Variants in MYRIP observed in about 807,000 individuals in gnomAD.
MYRIP encodes myosin VIIA and Rab interacting protein.
In MYRIP, 49 loss-of-function variants were observed where a neutral mutation model predicts 98.0. That is an observed-to-expected ratio of 0.50 (90% confidence interval 0.40 to 0.63). MYRIP has a LOEUF of 0.63. MYRIP is among the 30% of genes least tolerant of loss of function. The pLI, the probability that MYRIP is intolerant of heterozygous loss-of-function variation, is 0.00. For missense variants in MYRIP, 1,004 were observed against 1,058.2 expected (o/e 0.95, Z 0.71); for synonymous variants, 404 against 409.5 (o/e 0.99, Z 0.16).
chr3:40,208,007 T>C (rs895954646), intron 10 of MYRIP, among the ~76,000 whole-genome samples: 4 of 152,208 alleles, frequency 2.6e-5, no homozygotes, highest in Non-Finnish European at 5.9e-5. Flanking sequence ...TTCAAAATAG[T>C]GATGATTTAT....
chr3:40,082,966 G>A (rs1023266510), intron 3 of MYRIP, among the ~76,000 whole-genome samples: 6 of 152,184 alleles, frequency 3.9e-5, no homozygotes, highest in Non-Finnish European at 7.3e-5. Context: ...CGAGTGGGGA[G>A]CCAAATTTAA....
chr3:40,252,988 A>G (rs1429079962), intron 16 of MYRIP, among the ~76,000 whole-genome samples: 1 of 152,214 alleles, frequency 6.6e-6, no homozygotes, highest in African/African-American at 2.4e-5. Flanking sequence ...AACTCCTAAC[A>G]TCACATTGGA....
chr3:39,847,239 C>A (rs1450595265), intron 1 of MYRIP, among the ~76,000 whole-genome samples: 1 of 152,196 alleles, frequency 6.6e-6, no homozygotes, highest in Non-Finnish European at 1.5e-5. Context: ...TGAAAACTCA[C>A]TAACCCTTTC....
intron 1 of MYRIP, among the ~76,000 whole-genome samples, chr3:39,859,676 T>A (rs1464011810): frequency 2.0e-5 from 3 of 152,232 alleles, no homozygotes; most frequent in African/African-American, 7.2e-5. Flanking sequence ...TGGTTAAGCA[T>A]GTCAAGGGAT....
In MYRIP at chr3:40,044,241, C is replaced by CCTGG; in HGVS notation, c.303_306dup (p.Val103LeufsTer23). The CCTGG allele has an allele frequency of 6.2e-7, 1 of 1,614,182 alleles. No homozygotes were observed. The highest frequency in any genetic ancestry group is 8.5e-7 in the Non-Finnish European group (1 of 1,180,020). On this transcript the variant is annotated frameshift_variant, in exon 3 of 17. Transcript: ENST00000302541. LOFTEE classifies it high-confidence loss of function. ...TGCTCCTACCAGAAGCACGAAAAGG[C>CCTGG]CTGGGTCTGCTGCGTCTGCCAGCAA...
intron 2 of MYRIP, among the ~76,000 whole-genome samples, chr3:40,036,283 C>T (rs1159837692): frequency 8.4e-6 from 1 of 118,386 alleles, no homozygotes; most frequent in African/African-American, 3.1e-5. Context: ...GACAGACTTC[C>T]CATTGCAACA....
chr3:40,073,315 G>A (rs1288193979), intron 3 of MYRIP, among the ~76,000 whole-genome samples: 1 of 152,190 alleles, frequency 6.6e-6, no homozygotes, highest in African/African-American at 2.4e-5. Flanking sequence ...AGAGAAGAGT[G>A]GGAGAGTGGG....
chr3:40,001,818 A>G (rs1227487070), intron 2 of MYRIP, among the ~76,000 whole-genome samples: 34 of 152,184 alleles, frequency 2.2e-4, no homozygotes, highest in Admixed American at 2.2e-3. Flanking sequence ...TTGAACCGGG[A>G]TAGTGATAGT....
intron 10 of MYRIP, among the ~76,000 whole-genome samples, chr3:40,206,697 A>G (rs997128406): frequency 2.6e-5 from 4 of 152,160 alleles, no homozygotes; most frequent in South Asian, 2.1e-4. Context: ...CAACTCCAGT[A>G]GGGCAGGAAC....
At chr3:39,902,782 T>C (rs1240774603) in intron 2 of MYRIP, among the ~76,000 whole-genome samples, 2 of 152,144 alleles carry the variant, frequency 1.3e-5, no homozygotes, top group Non-Finnish European at 2.9e-5. Flanking sequence ...TGCCAGTCCA[T>C]GTGGAAGAGC....
intron 2 of MYRIP, among the ~76,000 whole-genome samples, chr3:39,995,165 A>G (rs574137014): frequency 6.6e-5 from 10 of 152,324 alleles, no homozygotes; most frequent in Admixed American, 5.9e-4. Context: ...CTCCTCACCA[A>G]CAACGGAACA....
chr3:40,055,936 GC>G (rs1235407638), intron 3 of MYRIP, among the ~76,000 whole-genome samples: 1 of 152,100 alleles, frequency 6.6e-6, no homozygotes, highest in East Asian at 1.9e-4. Flanking sequence ...CTAAATCCAT[GC>G]CATGAACTAA....
At chr3:40,063,331 T>G (rs1440423606) in intron 3 of MYRIP, among the ~76,000 whole-genome samples, 1 of 152,176 alleles carries the variant, frequency 6.6e-6, no homozygotes, top group African/African-American at 2.4e-5. Context: ...TTGTAGTAAT[T>G]TAAAATTTCC....
chr3:40,170,399 G>A (rs926540847), intron 8 of MYRIP, among the ~76,000 whole-genome samples: 17 of 152,204 alleles, frequency 1.1e-4, no homozygotes, highest in Admixed American at 3.9e-4. Context: ...TGAGTCCAGT[G>A]GGGGAAAATA....
Position 40,192,354 on chromosome 3 carries a change from T to TGTCATATA in MYRIP, c.1665+1891_1665+1892insGTCATATA, listed in dbSNP as rs1437789781. ...ATATATATATATGTCATATATATAT[T>TGTCATATA]TATATTTATTTAAGTTATTTACTTT... On this transcript the variant is annotated intron_variant, in intron 10 of 16. Coordinates refer to ENST00000302541, the MANE Select transcript of MYRIP (RefSeq NM_015460.4). Among the ~76,000 whole-genome samples the TGTCATATA allele has an allele frequency of 3.4e-3, 119 of 34,834 alleles. 2 individuals carry two copies. In the East Asian group the frequency reaches 0.046, roughly 13 times the overall value. The allele number at this position is 34,834 out of a possible 152,430, so 22.9% of individuals were successfully genotyped here. A position where few individuals can be genotyped will look rare whatever the true frequency, so the allele number is the denominator to read the frequency against.
intron 1 of MYRIP, among the ~76,000 whole-genome samples, chr3:39,847,246 T>G (rs1941991541): frequency 6.6e-6 from 1 of 152,196 alleles, no homozygotes; most frequent in South Asian, 2.1e-4. Context: ...TCACTAACCC[T>G]TTCCCCAGAA....
chr3:39,845,570 C>T (rs957924530), intron 1 of MYRIP, among the ~76,000 whole-genome samples: 4 of 152,026 alleles, frequency 2.6e-5, no homozygotes, highest in Admixed American at 2.6e-4. Flanking sequence ...TTATTTAGTA[C>T]GAATAGTTGA....
At chr3:39,827,878 G>GTT (rs138698516) in intron 1 of MYRIP, among the ~76,000 whole-genome samples, 7 of 151,166 alleles carry the variant, frequency 4.6e-5, no homozygotes, top group South Asian at 4.2e-4. Flanking sequence ...TTGATTGGCA[G>GTT]TTTTTTTTTC....
intron 1 of MYRIP, among the ~76,000 whole-genome samples, chr3:39,888,185 G>A (rs1943365384): frequency 6.6e-6 from 1 of 151,954 alleles, no homozygotes; most frequent in Admixed American, 6.6e-5. Flanking sequence ...CTACTTTAAA[G>A]TTCATATGGA....
Sources: gnomAD v4.1 joint callset for allele counts (sites outside exome capture counted in the v4.1 genomes callset) on GRCh38, gnomAD v4.1.1 for gene constraint, MANE v1.5 for transcripts, NCBI Gene and HGNC (gene_info 2026-07-23, HGNC 2026-07-21) for gene names.